HS2ST1: variants seen among roughly 807,000 people sequenced by gnomAD.
HS2ST1 encodes 2-O-sulfotransferase.
HS2ST1 carries 18 observed loss-of-function variants against 42.9 expected under a neutral mutation model. That is an observed-to-expected ratio of 0.42 (90% CI 0.29 to 0.62). HS2ST1 has a LOEUF of 0.62. Among genes scored for constraint, HS2ST1 ranks in the 20% least tolerant of loss-of-function variants. The pLI is 0.21. For missense variants in HS2ST1, 334 were observed against 433.8 expected, an observed-to-expected ratio of 0.77 and a Z score of 2.04; for synonymous variants, 146 against 152.9, an observed-to-expected ratio of 0.95 and a Z score of 0.33.
chr1:87,080,275 G>A (rs1356131745), intron 2 of HS2ST1, among the ~76,000 whole-genome samples: 7 of 152,220 alleles, frequency 4.6e-5, no homozygotes, highest in East Asian at 3.9e-4. Context: ...ATGGTTGTCC[G>A]GTAAAGAGAG....
intron 1 of HS2ST1, among the ~76,000 whole-genome samples, chr1:87,015,762 C>T (rs1649736496): frequency 6.6e-6 from 1 of 152,072 alleles, no homozygotes; most frequent in African/African-American, 2.4e-5. Flanking sequence ...GAATTTCTAC[C>T]ATAGAATTGA....
rs74099372 is a variant in HS2ST1, at chr1:86,955,496, G to A, written c.124+40336G>A. On this transcript the variant is annotated intron_variant, in intron 1 of 6. Transcript: ENST00000370550. The stretch of plus-strand genomic sequence containing the variant: ...GGAAAAATTGTCTTCCACAAAACCC[G>A]TCCCTCTTGCCAAAAAGGTTTTTAC... Among the ~76,000 whole-genome samples the A allele has an allele frequency of 2.8e-3, 420 of 151,526 alleles. 2 individuals are homozygous for A. Among genetic ancestry groups the A allele is most frequent in the African/African-American group, 9.5e-3 (395 of 41,400 alleles).
intron 1 of HS2ST1, among the ~76,000 whole-genome samples, chr1:87,042,173 T>A (rs1650539549): frequency 6.6e-6 from 1 of 152,176 alleles, no homozygotes; most frequent in South Asian, 2.1e-4. Context: ...TTGAGATATT[T>A]GGAGTTTTTT....
At chr1:86,923,746 A>C (rs1341355967) in intron 1 of HS2ST1, among the ~76,000 whole-genome samples, 1 of 152,194 alleles carries the variant, frequency 6.6e-6, no homozygotes, top group Non-Finnish European at 1.5e-5. Context: ...ATTCACTATC[A>C]TGGGAACAGC....
intron 1 of HS2ST1, among the ~76,000 whole-genome samples, chr1:86,966,397 T>C (rs757749593): frequency 6.6e-5 from 10 of 152,202 alleles, no homozygotes; most frequent in African/African-American, 2.2e-4. Context: ...TTCTGAACAA[T>C]ATTTATAACA....
At chr1:87,039,792 G>A (rs1379967255) in intron 1 of HS2ST1, among the ~76,000 whole-genome samples, 1 of 152,114 alleles carries the variant, frequency 6.6e-6, no homozygotes, top group African/African-American at 2.4e-5. Context: ...CAGGTAGGTG[G>A]AAGATACCAT....
chr1:87,068,719 GT>G (rs1228144931), intron 1 of HS2ST1, among the ~76,000 whole-genome samples: 1 of 152,046 alleles, frequency 6.6e-6, no homozygotes, highest in Non-Finnish European at 1.5e-5. Flanking sequence ...TCAATAAACA[GT>G]TGATTAACAC....
chr1:87,022,170 G>A (rs1649970035), intron 1 of HS2ST1, among the ~76,000 whole-genome samples: 1 of 152,078 alleles, frequency 6.6e-6, no homozygotes, highest in Non-Finnish European at 1.5e-5. Context: ...TGGAAAAAAT[G>A]TGGATCCTTT....
chr1:86,977,529 A>G (rs1648455148), intron 1 of HS2ST1, among the ~76,000 whole-genome samples: 1 of 152,242 alleles, frequency 6.6e-6, no homozygotes, highest in Admixed American at 6.5e-5. Flanking sequence ...CTATTGTGAC[A>G]TTTACTGAGA....
intron 1 of HS2ST1, among the ~76,000 whole-genome samples, chr1:87,043,344 G>A (rs1173338001): frequency 2.0e-5 from 3 of 152,050 alleles, no homozygotes; most frequent in African/African-American, 7.2e-5. Context: ...GATTAACAAT[G>A]TAGAATACAG....
At chr1:87,000,446 G>C (rs893472305) in intron 1 of HS2ST1, among the ~76,000 whole-genome samples, 1 of 152,082 alleles carries the variant, frequency 6.6e-6, no homozygotes, top group African/African-American at 2.4e-5. Context: ...TTGAGTTTTA[G>C]TCTAAAGTCC....
chr1:87,042,870 TCTGA>T (rs1650556589), intron 1 of HS2ST1, among the ~76,000 whole-genome samples: 1 of 152,164 alleles, frequency 6.6e-6, no homozygotes, highest in South Asian at 2.1e-4. Context: ...AATTTACTTT[TCTGA>T]CTTTTTGTTT....
At chr1:87,098,677 G>A (rs1440561419) in intron 5 of HS2ST1, among the ~76,000 whole-genome samples, 1 of 152,130 alleles carries the variant, frequency 6.6e-6, no homozygotes, top group Non-Finnish European at 1.5e-5. Flanking sequence ...TATAAGAATT[G>A]GAAGCCTATA....
chr1:86,950,403 G>C (rs1327193394), intron 1 of HS2ST1, among the ~76,000 whole-genome samples: 3 of 152,136 alleles, frequency 2.0e-5, no homozygotes, highest in Admixed American at 6.5e-5. Flanking sequence ...CAGACAGACA[G>C]AAAGTTAAAG....
intron 1 of HS2ST1, among the ~76,000 whole-genome samples, chr1:87,066,966 A>G (rs527714495): frequency 2.6e-5 from 4 of 152,290 alleles, no homozygotes; most frequent in African/African-American, 7.2e-5. Flanking sequence ...TATCCAGTCT[A>G]TCATTGATGG....
chr1:87,001,999 G>T (rs551626135), intron 1 of HS2ST1, among the ~76,000 whole-genome samples: 1 of 150,914 alleles, frequency 6.6e-6, no homozygotes, highest in Non-Finnish European at 1.5e-5. Flanking sequence ...TGCAAGATCC[G>T]CCTCCAGGGT....
intron 1 of HS2ST1, among the ~76,000 whole-genome samples, chr1:86,998,277 A>G (rs1649164968): frequency 1.3e-5 from 2 of 152,236 alleles, no homozygotes; most frequent in African/African-American, 4.8e-5. Flanking sequence ...GCATGACCAA[A>G]TACATTCAAC....
intron 3 of HS2ST1, among the ~76,000 whole-genome samples, chr1:87,091,148 T>C (rs1651929016): frequency 6.6e-6 from 1 of 152,038 alleles, no homozygotes; most frequent in Non-Finnish European, 1.5e-5. Flanking sequence ...ATTGCTGTAT[T>C]CCTAGTACCT....
At position 86,964,521 on chromosome 1, in the gene HS2ST1, G is replaced by A. The variant is rs937731637; in HGVS notation, c.124+49361G>A. Among the ~76,000 whole-genome samples, 9 of 152,342 alleles carry A rather than the reference G, an allele frequency of 5.9e-5. No homozygotes were observed. In the South Asian group the frequency reaches 6.2e-4, roughly 11 times the overall value. On this transcript the variant is annotated intron_variant, in intron 1 of 6. Coordinates refer to ENST00000370550, the MANE Select transcript of HS2ST1 (RefSeq NM_012262.4). ...GGCGTGGCGGCACGCGCCTGCAATC[G>A]CAGGCACTGGGCAGGCTGAGGCAGG... is the stretch of plus-strand genomic sequence containing the variant.
Sources: gnomAD v4.1 joint callset for allele counts (sites outside exome capture counted in the v4.1 genomes callset) on GRCh38, gnomAD v4.1.1 for gene constraint, MANE v1.5 for transcripts, NCBI Gene and HGNC (gene_info 2026-07-23, HGNC 2026-07-21) for gene names.